The following NCKAP1L variants were observed in gnomAD, a reference collection of about 807,000 sequenced individuals.
NCKAP1L encodes NCK associated protein 1 like, also known as nck-associated protein 1-like.
Under a neutral mutation model 139.2 loss-of-function variants are expected in NCKAP1L, and 53 were observed. The observed-to-expected ratio is 0.38, with a 90% CI of 0.31 to 0.48. NCKAP1L has a LOEUF of 0.48. NCKAP1L is among the 20% of genes least tolerant of loss of function. The pLI is 0.98. For missense variants in NCKAP1L, 1,151 were observed against 1,381.9 expected, an observed-to-expected ratio of 0.83 and a Z score of 2.65; for synonymous variants, 468 against 499.7, an observed-to-expected ratio of 0.94 and a Z score of 0.85.
intron 9 of NCKAP1L, among the ~76,000 whole-genome samples, chr12:54,514,328 T>TC (rs1956913499): frequency 6.6e-6 from 1 of 150,378 alleles, no homozygotes; most frequent in South Asian, 2.1e-4. Context: ...TTTATTTTCT[T>TC]TTTTTTTTTG....
chr12:54,528,124 T>C, intron 21 of NCKAP1L, 123 bp from the exon 22 acceptor site: 1 of 1,203,780 alleles, frequency 8.3e-7, no homozygotes, highest in Non-Finnish European at 1.2e-6. Context: ...CTTCTTTGAG[T>C]TTCTTCTCCC....
chr12:54,503,496 A>G (rs1053860044), intron 3 of NCKAP1L, among the ~76,000 whole-genome samples: 7 of 152,134 alleles, frequency 4.6e-5, no homozygotes, highest in African/African-American at 1.7e-4. Context: ...TGCATTATTT[A>G]TGATAGTTAC....
At chr12:54,539,053 C>A in intron 30 of NCKAP1L, 80 bp downstream of exon 30, 3 of 1,204,130 alleles carry the variant, frequency 2.5e-6, no homozygotes, top group Non-Finnish European at 3.6e-6. Flanking sequence ...TCTTTGCATC[C>A]TTGCCATTCT....
Position 54,516,277 on chromosome 12 carries a change from A to G in NCKAP1L, c.980A>G (p.Glu327Gly). 1 of 1,614,044 alleles carries G rather than the reference A, an allele frequency of 6.2e-7. No individual in the cohort carries two copies. The change falls in exon 10 of 31, where the codon GAA (glutamate) becomes GGA (glycine). Residue 327 changes from glutamate (E) to glycine (G), a missense_variant. By Grantham distance (98) the Glu-to-Gly change is moderately conservative. Transcript: ENST00000293373. The part of the protein sequence containing the change: ...KRVADIKESK[E>G]HVIANSGQFH... Reference sequence around the variant, plus strand: ...GTGGCAGACATAAAGGAGAGCAAGGAACATGTAATTGCAAACAGGTAAAGG... The same window carrying G: ...GTGGCAGACATAAAGGAGAGCAAGGGACATGTAATTGCAAACAGGTAAAGG...
chr12:54,529,522 T>TG (rs1178051362), intron 22 of NCKAP1L, among the ~76,000 whole-genome samples: 2 of 152,152 alleles, frequency 1.3e-5, no homozygotes, highest in South Asian at 2.1e-4. Flanking sequence ...TCTTCTTCTT[T>TG]GGGGGGTGCT....
intron 21 of NCKAP1L, among the ~76,000 whole-genome samples, chr12:54,528,033 G>T (rs1247478706): frequency 6.6e-6 from 1 of 152,176 alleles, no homozygotes; most frequent in Non-Finnish European, 1.5e-5. Flanking sequence ...TACCCTCCAG[G>T]TTAGAGGCAA....
intron 3 of NCKAP1L, among the ~76,000 whole-genome samples, chr12:54,504,676 C>T (rs1956826900): frequency 6.6e-6 from 1 of 152,148 alleles, no homozygotes; most frequent in South Asian, 2.1e-4. Context: ...GGTTTCAAAT[C>T]TCAGCTTTAC....
At chr12:54,510,891 T>C (rs970863610) in intron 7 of NCKAP1L, among the ~76,000 whole-genome samples, 2 of 152,042 alleles carry the variant, frequency 1.3e-5, no homozygotes, top group African/African-American at 2.4e-5. Context: ...TGGGCTCAAG[T>C]GATCCTCCTG....
chr12:54,510,315 A>T (rs1956876981), intron 7 of NCKAP1L: 1 of 460,470 alleles, frequency 2.2e-6, no homozygotes, highest in African/African-American at 2.0e-5. Flanking sequence ...TGATTTTAGG[A>T]ATCAATTAAC....
At chr12:54,531,893 T>A in intron 25 of NCKAP1L, 68 bp downstream of exon 25, 2 of 1,309,090 alleles carry the variant, frequency 1.5e-6, no homozygotes, top group Non-Finnish European at 1.1e-6. Context: ...TGTATGATAA[T>A]TTGTGGAAGT....
At chr12:54,536,648 C>A in intron 28 of NCKAP1L, 1 of 333,428 alleles carries the variant, frequency 3.0e-6, no homozygotes, top group Non-Finnish European at 5.6e-6. Flanking sequence ...CAGAGCAAGA[C>A]CCTGTCTTTA....
chr12:54,520,609 C>G (rs919261680), intron 16 of NCKAP1L, 85 bp from the exon 17 acceptor site: 1 of 1,433,478 alleles, frequency 7.0e-7, no homozygotes, highest in Non-Finnish European at 9.8e-7. Flanking sequence ...CTCTTAAACT[C>G]TATTTTTCTT....
In NCKAP1L at chr12:54,546,022, G is replaced by A. The variant is rs1274180798; in HGVS notation, c.*3337G>A. The A allele has an allele frequency of 6.6e-6, 1 of 152,204 alleles. No individual in the cohort carries two copies. The highest frequency in any genetic ancestry group is 6.5e-5 in the Admixed American group (1 of 15,280). 9.4% of individuals were successfully genotyped at this position (152,204 alleles called of 1,614,324 possible). On this transcript the variant is annotated 3_prime_UTR_variant, in exon 31 of 31. Coordinates refer to ENST00000293373, the MANE Select transcript of NCKAP1L (RefSeq NM_005337.5). ...GCGGATCGCTTGAACTCAGGAGTTT[G>A]AGACCACTCTGGGCAACACAGTGAA...
intron 19 of NCKAP1L, 118 bp downstream of exon 19, chr12:54,523,657 T>G (rs935556888): frequency 6.9e-7 from 1 of 1,452,732 alleles, no homozygotes; most frequent in African/African-American, 1.4e-5. Flanking sequence ...ATGAGGGGCA[T>G]GGAAAAGCAC....
intron 3 of NCKAP1L, among the ~76,000 whole-genome samples, chr12:54,504,030 CAGATGTA>C (rs908857212): frequency 1.1e-4 from 16 of 151,960 alleles, no homozygotes; most frequent in Admixed American, 5.2e-4. Flanking sequence ...CAGTTTAAGA[CAGATGTA>C]AGATGTAAGA....
At chr12:54,530,490 T>G (rs188193668) in intron 22 of NCKAP1L, among the ~76,000 whole-genome samples, 3 of 152,064 alleles carry the variant, frequency 2.0e-5, no homozygotes, top group Admixed American at 1.3e-4. Context: ...GTGTTGATTA[T>G]GAAAAAAGAA....
At chr12:54,500,402 G>A (rs1956788507) in intron 2 of NCKAP1L, 131 bp from the exon 3 acceptor site, 2 of 616,014 alleles carry the variant, frequency 3.2e-6, no homozygotes, top group East Asian at 3.2e-5. Context: ...GGGATTACAG[G>A]TGTGAGCCAC....
Position 54,545,666 on chromosome 12 carries a change from G to A in NCKAP1L, c.*2981G>A, listed in dbSNP as rs898155200. On this transcript the variant is annotated 3_prime_UTR_variant, in exon 31 of 31. Transcript: ENST00000293373. ...CCAGGTTGTAAGTTTGCTTTACTTA[G>A]GCCCAAAGGAACTAAAGAATGGATA... is the stretch of plus-strand genomic sequence containing the variant. 6.6e-6 allele frequency: 1 copy of A among 152,176 alleles called. No homozygotes were observed. The highest frequency in any genetic ancestry group is 2.4e-5 in the African/African-American group (1 of 41,426). The allele number at this position is 152,176 out of a possible 1,614,324, so 9.4% of individuals were successfully genotyped here.
At position 54,506,796 on chromosome 12, in the gene NCKAP1L, A is replaced by AAAAAATAT; in HGVS notation, c.307-1056_307-1055insAAAATATA. On this transcript the variant is annotated intron_variant, in intron 3 of 30. Transcript: ENST00000293373. ...TTTTGGCAACATATTAAAAAAAAAAAATATATATATATATATATATATATA... is the reference window on the plus strand; with the variant it reads ...TTTTGGCAACATATTAAAAAAAAAAAAAAAATATATATATATATATATATATATATATA... 7.2e-3 allele frequency among the ~76,000 whole-genome samples: 364 copies of AAAAAATAT among 50,608 alleles called. 6 individuals are homozygous for AAAAAATAT. The highest frequency in any genetic ancestry group is 0.045 in the South Asian group (38 of 848). 33.2% of individuals were successfully genotyped at this position (50,608 alleles called of 152,430 possible). A position where few individuals can be genotyped will look rare whatever the true frequency, so the allele number is the denominator to read the frequency against.
Sources: allele counts gnomAD v4.1 joint callset (sites outside exome capture counted in the v4.1 genomes callset), GRCh38; gene constraint gnomAD v4.1.1; transcripts MANE v1.5; gene names NCBI Gene and HGNC (gene_info 2026-07-23, HGNC 2026-07-21).